Variants in PCMT1 observed in about 807,000 individuals in gnomAD.
PCMT1 encodes protein-L-isoaspartate (D-aspartate) O-methyltransferase.
Under a neutral mutation model 29.2 loss-of-function variants are expected in PCMT1, and 9 were observed. That is an observed-to-expected ratio of 0.31 (90% CI 0.19 to 0.54). The LOEUF (loss-of-function observed/expected upper bound fraction) is 0.54, where lower values mean the gene tolerates loss of function less well. Ranked by LOEUF, PCMT1 falls within the 20% of genes least tolerant of loss-of-function variation. The pLI, the probability that PCMT1 is intolerant of heterozygous loss-of-function variation, is 0.95. For synonymous variants in PCMT1, 98 were observed against 97.5 expected (o/e 1.00, Z -0.03); for missense variants, 184 against 282.2 (o/e 0.65, Z 2.49).
At chr6:149,759,771 A>G (rs1340201836) in intron 1 of PCMT1, among the ~76,000 whole-genome samples, 1 of 152,216 alleles carries the variant, frequency 6.6e-6, no homozygotes, top group East Asian at 1.9e-4. Flanking sequence ...CTGGGATTAC[A>G]GGCGTGAGCC....
At chr6:149,785,336 C>T (rs1198788067) in intron 3 of PCMT1, among the ~76,000 whole-genome samples, 1 of 79,158 alleles carries the variant, frequency 1.3e-5, no homozygotes, top group African/African-American at 6.5e-5. Flanking sequence ...CTATCTTTCT[C>T]TTTGGCATTG....
Position 149,802,276 on chromosome 6 carries a change from A to G in PCMT1, c.581A>G (p.Gln194Arg). The change falls in exon 7 of 8, where the codon CAG (glutamine) becomes CGG (arginine). Residue 194 changes from glutamine (Q) to arginine (R), a missense_variant. Coordinates refer to ENST00000464889, the MANE Select transcript of PCMT1 (RefSeq NM_001360452.2). Reference protein sequence around the residue: ...GPAGGNQMLEQYDKLQDGSIK... With the variant: ...GPAGGNQMLERYDKLQDGSIK... ...GCAGGCGGAAACCAAATGTTGGAGC[A>G]GTATGACAAGCTACAAGATGGCAGC... 6.2e-7 allele frequency: 1 copy of G among 1,613,864 alleles called. No homozygotes were observed. The highest frequency in any genetic ancestry group is 8.5e-7 in the Non-Finnish European group (1 of 1,179,824).
chr6:149,765,650 T>TTTTTTTA (rs530765425), intron 1 of PCMT1: 29 of 375,938 alleles, frequency 7.7e-5, no homozygotes, highest in South Asian at 3.2e-4. Context: ...ATTGACCTTA[T>TTTTTTTA]TTTTTTATTT....
chr6:149,773,001 A>T (rs866457615), intron 2 of PCMT1, 137 bp from the exon 3 acceptor site: 18 of 649,274 alleles, frequency 2.8e-5, no homozygotes, highest in Middle Eastern at 4.3e-4. Context: ...TGGGCGACAC[A>T]GTGAGACTGT....
intron 5 of PCMT1, among the ~76,000 whole-genome samples, chr6:149,794,307 A>G (rs1788505187): frequency 6.6e-6 from 1 of 152,180 alleles, no homozygotes; most frequent in Admixed American, 6.6e-5. Flanking sequence ...TTCCCCAGAC[A>G]CACTCAGTTT....
chr6:149,793,985 T>G (rs1412833285), intron 5 of PCMT1, among the ~76,000 whole-genome samples: 1 of 152,212 alleles, frequency 6.6e-6, no homozygotes, highest in Non-Finnish European at 1.5e-5. Context: ...ACAGGGCTTC[T>G]AGCCCTTTGT....
intron 5 of PCMT1, chr6:149,795,020 C>T: frequency 2.8e-6 from 1 of 360,024 alleles, no homozygotes; most frequent in Non-Finnish European, 5.4e-6. Flanking sequence ...TGGTGAAACC[C>T]CGTCTCTACT....
At chr6:149,781,595 A>G (rs142247765) in intron 3 of PCMT1, among the ~76,000 whole-genome samples, 2,459 of 152,244 alleles carry the variant, frequency 0.016, 26 homozygotes, top group African/African-American at 0.028. Flanking sequence ...AGCTCAAGCA[A>G]TCCTCCTGCC....
rs771479190 is a variant in PCMT1, at chr6:149,789,959, A to G, written c.198A>G (p.Ala66=). 1.3e-5 allele frequency: 20 copies of G among 1,597,450 alleles called. No individual in the cohort carries two copies. The Admixed American group carries it at 2.9e-4, about 23-fold the overall frequency. Residue 66 remains alanine, a synonymous_variant, in exon 4 of 8, where the codon GCA becomes GCG. Transcript: ENST00000464889. ...ATTTTGTTTTCTTTTGGCAGCATGC[A>G]TATGCGCTAGAACTTCTATTTGATC... ...QATISAPHMH[A]YALELLFDQL... is the part of the protein sequence containing the mutation.
At chr6:149,787,823 CTG>C (rs35913473) in intron 3 of PCMT1, among the ~76,000 whole-genome samples, 77,823 of 149,886 alleles carry the variant, frequency 0.52, 22,744 homozygotes, top group East Asian at 0.81. Context: ...CCTCTCTCCT[CTG>C]TGTGTGTGTG....
At chr6:149,787,820 C>T (rs1054869349) in intron 3 of PCMT1, among the ~76,000 whole-genome samples, 8 of 110,836 alleles carry the variant, frequency 7.2e-5, no homozygotes, top group African/African-American at 3.2e-4. Context: ...TCCCCTCTCT[C>T]CTCTGTGTGT....
chr6:149,795,072 A>C (rs2115323173), intron 5 of PCMT1: 1 of 339,516 alleles, frequency 2.9e-6, no homozygotes, highest in South Asian at 2.3e-5. Context: ...AGGCACCTGT[A>C]ATCCTAGCTA....
intron 7 of PCMT1, among the ~76,000 whole-genome samples, chr6:149,805,375 C>G (rs1775977740): frequency 1.3e-5 from 2 of 151,702 alleles, no homozygotes; most frequent in African/African-American, 4.8e-5. Flanking sequence ...GGGCAGATCA[C>G]AAGGTCAGGA....
chr6:149,790,194 T>G (rs1788299583), intron 4 of PCMT1, 136 bp downstream of exon 4: 1 of 605,158 alleles, frequency 1.7e-6, no homozygotes. Context: ...GAGCATCACT[T>G]AGGATTTTGT....
intron 3 of PCMT1, among the ~76,000 whole-genome samples, chr6:149,781,799 GTGT>G (rs1215737826): frequency 1.3e-4 from 20 of 152,124 alleles, no homozygotes; most frequent in African/African-American, 4.3e-4. Context: ...CCATTTAGTA[GTGT>G]TAAGTACATT....
intron 4 of PCMT1, 35 bp from the exon 5 acceptor site, chr6:149,793,513 GC>G: frequency 7.1e-7 from 1 of 1,404,530 alleles, no homozygotes; most frequent in Non-Finnish European, 9.3e-7. Flanking sequence ...AACAAATTTA[GC>G]CCAATGAGCT....
At chr6:149,777,520 A>G (rs1157481085) in intron 3 of PCMT1, among the ~76,000 whole-genome samples, 1 of 152,200 alleles carries the variant, frequency 6.6e-6, no homozygotes, top group Non-Finnish European at 1.5e-5. Context: ...GCAGTATAAT[A>G]CTTACAGGTG....
chr6:149,783,529 G>C (rs890747891), intron 3 of PCMT1, among the ~76,000 whole-genome samples: 1 of 152,154 alleles, frequency 6.6e-6, no homozygotes, highest in South Asian at 2.1e-4. Flanking sequence ...ATGTCCGGTG[G>C]TGTGGTGGTC....
At chr6:149,797,800 T>A (rs570230837) in intron 6 of PCMT1, 4 of 152,274 alleles carry the variant, frequency 2.6e-5, no homozygotes, top group African/African-American at 9.6e-5. Flanking sequence ...GTTGTATAAT[T>A]TGTTCTGGTC....
Sources: allele counts gnomAD v4.1 joint callset (sites outside exome capture counted in the v4.1 genomes callset), GRCh38; gene constraint gnomAD v4.1.1; transcripts MANE v1.5; gene names NCBI Gene and HGNC (gene_info 2026-07-23, HGNC 2026-07-21).